The following CERS4 variants were observed in gnomAD, a reference collection of about 807,000 sequenced individuals.
CERS4 encodes ceramide synthase 4, also known as LAG1 homolog, ceramide synthase 4.
Under a neutral mutation model 51.8 loss-of-function variants are expected in CERS4, and 65 were observed. That is an observed-to-expected ratio of 1.26 (90% CI 1.03 to 1.54). The LOEUF (loss-of-function observed/expected upper bound fraction) is 1.54. Ranked by LOEUF, CERS4 falls within the 40% of genes most tolerant of loss-of-function variation. The pLI, the probability that CERS4 is intolerant of heterozygous loss-of-function variation, is 0.00. For synonymous variants in CERS4, 228 were observed against 208.4 expected (o/e 1.09, Z -0.81); for missense variants, 563 against 500.4 (o/e 1.13, Z -1.19).
At chr19:8,230,754 TGCGCTA>T (rs1217543296) in intron 2 of CERS4, among the ~76,000 whole-genome samples, 3 of 152,246 alleles carry the variant, frequency 2.0e-5, no homozygotes, top group Non-Finnish European at 4.4e-5. Flanking sequence ...TCATCTCCAA[TGCGCTA>T]TCAAGCCCAA....
chr19:8,228,919 G>T (rs779541775), intron 2 of CERS4, among the ~76,000 whole-genome samples: 2 of 150,748 alleles, frequency 1.3e-5, no homozygotes, highest in Non-Finnish European at 3.0e-5. Context: ...AGCTACTTGG[G>T]AGGCTGAGGC....
rs1967051730 is a variant in CERS4, at chr19:8,210,752, TA to T, written c.-111del. The T allele has an allele frequency of 6.6e-6, 1 of 152,162 alleles. No individual in the cohort carries two copies. The highest frequency in any genetic ancestry group is 2.1e-4 in the South Asian group (1 of 4,830). The allele number at this position is 152,162 out of a possible 1,614,324, so 9.4% of individuals were successfully genotyped here. Reference sequence around the variant, plus strand: ...ACAGAAGTGGAGCTGGGGGACTGATTAGAAGCCTCATTCAGTGCACCTGGGC... The same window carrying T: ...ACAGAAGTGGAGCTGGGGGACTGATTGAAGCCTCATTCAGTGCACCTGGGC... On this transcript the variant is annotated 5_prime_UTR_variant, in exon 2 of 12. Coordinates refer to ENST00000251363, the MANE Select transcript of CERS4 (RefSeq NM_024552.3). This position sits in a 1 kb window ranked among gnomAD's most constrained non-coding sequence, Gnocchi z 4.2.
intron 2 of CERS4, among the ~76,000 whole-genome samples, chr19:8,239,162 G>T (rs921470684): frequency 1.3e-5 from 2 of 151,934 alleles, no homozygotes; most frequent in Non-Finnish European, 2.9e-5. Context: ...AGCACTTTGG[G>T]AGGCTGAGGC....
intron 2 of CERS4, among the ~76,000 whole-genome samples, chr19:8,234,092 G>A (rs1161297265): frequency 2.0e-5 from 3 of 151,642 alleles, no homozygotes; most frequent in Admixed American, 6.6e-5. Context: ...GGATCACGAG[G>A]TCAGGAGATC....
chr19:8,249,587 A>AGTTTT (rs1968966187), intron 2 of CERS4, among the ~76,000 whole-genome samples: 1 of 91,380 alleles, frequency 1.1e-5, no homozygotes, highest in South Asian at 4.7e-4. Flanking sequence ...GGAACTCTGG[A>AGTTTT]TTTTTTTTTT....
intron 2 of CERS4, among the ~76,000 whole-genome samples, chr19:8,247,127 C>T (rs998748889): frequency 1.4e-4 from 21 of 152,176 alleles, no homozygotes; most frequent in East Asian, 3.9e-4. Flanking sequence ...GATCGTGCCA[C>T]GGTACTCCAG....
In CERS4 at chr19:8,256,613, T is replaced by A. The variant is rs199930954; in HGVS notation, c.520-5T>A. On this transcript the variant is annotated splice_region_variant and splice_polypyrimidine_tract_variant and intron_variant, in intron 7 of 11. Transcript: ENST00000251363. ...CACAGCTAACCTTGTCCTGTCCTGC[T>A]GCAGACTCTGAAGCCATCCCTGTAC... 4.9e-3 allele frequency: 7,906 copies of A among 1,610,386 alleles called. 25 individuals are homozygous for A. Among genetic ancestry groups the A allele is most frequent in the Non-Finnish European group, 6.2e-3 (7,262 of 1,178,512 alleles).
rs878862385 is a variant in CERS4 at position 8,262,136 on chromosome 19, G to C, written c.*27G>C. 5 of 1,428,262 alleles carry C rather than the reference G, an allele frequency of 3.5e-6. No homozygotes were observed. The African/African-American group carries it at 4.3e-5, about 12-fold the overall frequency. The allele number at this position is 1,428,262 out of a possible 1,614,324, so 88.5% of individuals were successfully genotyped here. A position where few individuals can be genotyped will look rare whatever the true frequency, so the allele number is the denominator to read the frequency against. On this transcript the variant is annotated 3_prime_UTR_variant, in exon 12 of 12. Coordinates refer to ENST00000251363, the MANE Select transcript of CERS4 (RefSeq NM_024552.3). ...CGGGCGGGGCTGGCTGTAAGGGGTT[G>C]CCCCCCCGCCAGTGCCTTGGATATT...
chr19:8,247,034 C>A (rs371174239), intron 2 of CERS4, among the ~76,000 whole-genome samples: 1 of 152,052 alleles, frequency 6.6e-6, no homozygotes, highest in South Asian at 2.1e-4. Flanking sequence ...GGCATGGTGG[C>A]GCATGCCTGT....
intron 2 of CERS4, among the ~76,000 whole-genome samples, chr19:8,227,898 T>G (rs1967850993): frequency 6.6e-6 from 1 of 152,080 alleles, no homozygotes; most frequent in South Asian, 2.1e-4. Context: ...AGTCTCACTA[T>G]GTTGCTGGGC....
chr19:8,232,979 C>T (rs925039391), intron 2 of CERS4, among the ~76,000 whole-genome samples: 4 of 147,050 alleles, frequency 2.7e-5, no homozygotes, highest in Non-Finnish European at 5.9e-5. Flanking sequence ...CTTGAGTGAT[C>T]CTCCCGCCTT....
chr19:8,255,455 A>AC (rs1210937374), intron 4 of CERS4, 152 bp from the exon 5 acceptor site: 6 of 701,014 alleles, frequency 8.6e-6, no homozygotes, highest in Admixed American at 7.7e-5. Context: ...CCACGCTGGG[A>AC]CCCCCAACAC....
At chr19:8,235,488 C>T (rs1968209146) in intron 2 of CERS4, among the ~76,000 whole-genome samples, 1 of 151,618 alleles carries the variant, frequency 6.6e-6, no homozygotes, top group Non-Finnish European at 1.5e-5. Flanking sequence ...TGCCTATAAT[C>T]CCAGCACTTT....
rs1969056142 is a variant in CERS4 at position 8,251,141 on chromosome 19, G to A, written c.65G>A (p.Trp22Ter). The change falls in exon 3 of 12, where the codon TGG (tryptophan) becomes TAG (stop). Residue 22 changes from tryptophan (W) to a stop codon, truncating the protein, a stop_gained. Coordinates refer to ENST00000251363, the MANE Select transcript of CERS4 (RefSeq NM_024552.3). LOFTEE classifies it high-confidence loss of function. ...TTCTGGTTACCACCCAATGTCACGT[G>A]GACAGAGCTAGAAGACCGGGATGGC... ...DRFWLPPNVTWTELEDRDGRV... is the reference protein window; with the variant it reads ...DRFWLPPNVT The A allele has an allele frequency of 1.2e-6, 2 of 1,612,958 alleles. No homozygotes were observed. Among genetic ancestry groups the A allele is most frequent in the Non-Finnish European group, 1.7e-6 (2 of 1,179,596 alleles).
Position 8,262,096 on chromosome 19 carries a change from C to CA in CERS4, c.1174dup (p.Thr392AsnfsTer11), listed in dbSNP as rs747961029. ...GCCGGGCGTCTGACCAACAGGCACA[C>CA]AACAGCCACATAGCCGGGCGGGGCT... On this transcript the variant is annotated frameshift_variant, in exon 12 of 12. Transcript: ENST00000251363. LOFTEE classifies it high-confidence loss of function. 2.7e-6 allele frequency: 4 copies of CA among 1,497,946 alleles called. No homozygotes were observed. The African/African-American group carries it at 5.6e-5, about 21-fold the overall frequency. The allele number at this position is 1,497,946 out of a possible 1,614,324, so 92.8% of individuals were successfully genotyped here. A position where few individuals can be genotyped will look rare whatever the true frequency, so the allele number is the denominator to read the frequency against.
chr19:8,261,519 G>A (rs1568544637), intron 10 of CERS4, 169 bp from the exon 11 acceptor site: 6 of 701,306 alleles, frequency 8.6e-6, no homozygotes, highest in Non-Finnish European at 1.5e-5. Context: ...ACAAGCGAGA[G>A]GGGGCCTCGC....
chr19:8,242,757 G>A (rs1352142833), intron 2 of CERS4, among the ~76,000 whole-genome samples: 1 of 152,142 alleles, frequency 6.6e-6, no homozygotes, highest in Admixed American at 6.6e-5. Context: ...TATTTGTAAA[G>A]GCTAGGATGT....
intron 7 of CERS4, 102 bp downstream of exon 7, chr19:8,256,388 T>C: frequency 7.5e-7 from 1 of 1,325,606 alleles, no homozygotes; most frequent in Non-Finnish European, 1.1e-6. Flanking sequence ...ACACTGTCAT[T>C]CCCCACTGAG....
Position 8,257,900 on chromosome 19 carries a change from A to G in CERS4, c.763A>G (p.Met255Val), listed in dbSNP as rs149925061. The G allele has an allele frequency of 1.4e-4, 225 of 1,613,672 alleles. No homozygotes were observed. Among genetic ancestry groups the G allele is most frequent in the Middle Eastern group, 1.3e-3 (8 of 6,084 alleles). Reference sequence around the variant, plus strand: ...CCAGGCCTGTAAGATGGTCAACTACATGCAGTATCAGCAAGTGTGCGACGC... The same window carrying G: ...CCAGGCCTGTAAGATGGTCAACTACGTGCAGTATCAGCAAGTGTGCGACGC... ...LLEACKMVNY[M>V]QYQQVCDALF... is the part of the protein sequence containing the mutation. The change falls in exon 10 of 12, where the codon ATG becomes GTG. Residue 255 changes from methionine to valine, a missense_variant. Met to Val is a conservative substitution (Grantham distance 21, BLOSUM62 1). Transcript: ENST00000251363.
Sources: allele counts gnomAD v4.1 joint callset (sites outside exome capture counted in the v4.1 genomes callset), GRCh38; gene constraint gnomAD v4.1.1; non-coding constraint Gnocchi (gnomAD v3.1); transcripts MANE v1.5; gene names NCBI Gene and HGNC (gene_info 2026-07-23, HGNC 2026-07-21).